The following WDR62 variants were observed in gnomAD, a reference collection of about 807,000 sequenced individuals.
The protein encoded by WDR62 is WD repeat domain 62, also known as WD repeat-containing protein 62.
A neutral mutation model predicts 160.6 loss-of-function variants in WDR62; 112 were observed. That is an observed-to-expected ratio of 0.70 (90% CI 0.60 to 0.82). WDR62 has a LOEUF of 0.82. WDR62 is among the 40% of genes least tolerant of loss of function. The probability of loss-of-function intolerance (pLI) is 0.00; values close to 1 mark genes in which losing one functional copy is unlikely to be tolerated. For missense variants in WDR62, 1,819 were observed against 1,983.8 expected (o/e 0.92, Z 1.58); for synonymous variants, 792 against 815.1 (o/e 0.97, Z 0.48).
At chr19:36,082,568 G>C (rs1202763157) in intron 10 of WDR62, among the ~76,000 whole-genome samples, 2 of 152,162 alleles carry the variant, frequency 1.3e-5, no homozygotes, top group Non-Finnish European at 2.9e-5. Context: ...TGCTACCATC[G>C]TCTCCTCTGT....
rs1457390210 is a variant in WDR62, at chr19:36,066,143, A to G, written c.391-114A>G. ...CTGGGCCAGAACAGCCCTGTAGCAG[A>G]TGGGGGAGGTGGCTTTTGGGCACAT... On this transcript the variant is annotated intron_variant, in intron 4 of 31. Coordinates refer to ENST00000401500, the MANE Select transcript of WDR62 (RefSeq NM_001083961.2). 3.2e-6 allele frequency: 5 copies of G among 1,580,410 alleles called. No individual in the cohort carries two copies. In the African/African-American group the frequency reaches 6.7e-5, roughly 21 times the overall value.
At position 36,097,034 on chromosome 19, in the gene WDR62, T is replaced by C. The variant is rs1431267525; in HGVS notation, c.2475T>C (p.Arg825=). 9 of 1,612,880 alleles carry C rather than the reference T, an allele frequency of 5.6e-6. No individual in the cohort carries two copies. The highest frequency in any genetic ancestry group is 6.8e-6 in the Non-Finnish European group (8 of 1,179,546). ...PSKDSLDPDP[R]CLLTNGKLPL... ...GATTCTGTGTCTTTCCAGATCCTCG[T>C]TGCCTGCTAACCAACGGCAAGCTGC... The change falls in exon 21 of 32, where the codon CGT becomes CGC. Residue 825 remains arginine, a synonymous_variant. Coordinates refer to ENST00000401500, the MANE Select transcript of WDR62 (RefSeq NM_001083961.2).
At chr19:36,067,695 G>T in intron 6 of WDR62, 133 bp from the exon 7 acceptor site, 5 of 1,129,186 alleles carry the variant, frequency 4.4e-6, no homozygotes, top group East Asian at 2.5e-5. Context: ...GAGTGGCAGG[G>T]TTCTAGTGTT....
chr19:36,102,694 C>T lies in WDR62; in HGVS notation c.3221-43C>T, dbSNP rs770465205. The T allele has an allele frequency of 1.1e-5, 17 of 1,589,930 alleles. No individual in the cohort carries two copies. In the East Asian group the frequency reaches 1.1e-4, roughly 10 times the overall value. ...GGGCTGGCCTAGGGCCAGGGCTGCTCGGCGGGAAGGGTTATGAGGGTCCCC... is the reference window on the plus strand; with the variant it reads ...GGGCTGGCCTAGGGCCAGGGCTGCTTGGCGGGAAGGGTTATGAGGGTCCCC... On this transcript the variant is annotated intron_variant, in intron 26 of 31. Transcript: ENST00000401500.
At position 36,065,892 on chromosome 19, in the gene WDR62, G is replaced by T. The variant is rs181461809; in HGVS notation, c.333-66G>T. 1.9e-4 allele frequency: 297 copies of T among 1,527,040 alleles called. No individual in the cohort carries two copies. The African/African-American group carries it at 3.5e-3, about 18-fold the overall frequency. The allele number at this position is 1,527,040 out of a possible 1,614,324, so 94.6% of individuals were successfully genotyped here. ...AAGAGGGCAGAGTCCTATCAGAGTC[G>T]CCAGGATGGGGTCTGGCTGGCCACC... On this transcript the variant is annotated intron_variant, in intron 3 of 31. Transcript: ENST00000401500.
At chr19:36,085,780 C>T (rs1267309208) in intron 12 of WDR62, among the ~76,000 whole-genome samples, 2 of 152,090 alleles carry the variant, frequency 1.3e-5, no homozygotes, top group East Asian at 2.0e-4. Context: ...GTGAAGATTT[C>T]GTTTGTTTCA....
At chr19:36,094,266 G>T in intron 20 of WDR62, 102 bp downstream of exon 20, 3 of 1,502,164 alleles carry the variant, frequency 2.0e-6, no homozygotes, top group Non-Finnish European at 2.8e-6. Context: ...TTAAAACTCA[G>T]GAGTCGACAG....
rs769860430 is a variant in WDR62 at position 36,104,795 on chromosome 19, G to A, written c.4339G>A (p.Gly1447Arg). 66 of 1,613,534 alleles carry A rather than the reference G, an allele frequency of 4.1e-5. 1 individual carries two copies. In the South Asian group the frequency reaches 4.6e-4, roughly 11 times the overall value. The change falls in exon 32 of 32, where the codon GGG becomes AGG. Residue 1447 changes from glycine to arginine, a missense_variant. By Grantham distance (125) the Gly-to-Arg change is moderately radical. Around this residue, in one of 3 missense-constraint regions of WDR62, gnomAD observed 770 missense variants for 734.2 expected, o/e 1.05. Coordinates refer to ENST00000401500, the MANE Select transcript of WDR62 (RefSeq NM_001083961.2). The stretch of plus-strand genomic sequence containing the variant: ...GGTCTCCAGTGGCCAGGTGGACACC[G>A]GGCAGCAGCAGGCACGGACTGAGCT... Reference protein sequence around the residue: ...VLVSSGQVDTGQQQARTELVS... With the variant: ...VLVSSGQVDTRQQQARTELVS...
At chr19:36,058,396 C>T (rs995297677) in intron 1 of WDR62, among the ~76,000 whole-genome samples, 7 of 152,194 alleles carry the variant, frequency 4.6e-5, no homozygotes, top group Non-Finnish European at 7.3e-5. Context: ...CACAGGTCAC[C>T]TTCTCACCGC....
At chr19:36,100,098 A>G (rs1226702859) in intron 22 of WDR62, among the ~76,000 whole-genome samples, 6 of 152,182 alleles carry the variant, frequency 3.9e-5, no homozygotes, top group Admixed American at 3.9e-4. Context: ...CTCTACAAAA[A>G]TATTTTTTAA....
chr19:36,068,327 A>G (rs577653156), intron 7 of WDR62, among the ~76,000 whole-genome samples: 2 of 151,558 alleles, frequency 1.3e-5, no homozygotes, highest in Non-Finnish European at 2.9e-5. Flanking sequence ...TCCTTTGAGC[A>G]CTCTGGCTGG....
Position 36,103,631 on chromosome 19 carries a change from T to A in WDR62, c.3803T>A (p.Ile1268Asn). Residue 1268 changes from isoleucine (I) to asparagine (N), a missense_variant, in exon 30 of 32, where the codon ATC becomes AAC. Ile to Asn is a moderately radical substitution (Grantham distance 149, BLOSUM62 -3). This residue lies in a region of WDR62 where 770 missense variants were observed against 734.2 expected (regional missense o/e 1.05). Coordinates refer to ENST00000401500, the MANE Select transcript of WDR62 (RefSeq NM_001083961.2). ...LASLGQELQA[I>N]TTATTPSLDS... The stretch of plus-strand genomic sequence containing the variant: ...TCCTTGGGCCAGGAGCTTCAGGCCA[T>A]CACCACCGCGACAACACCCAGTTTG... 6.2e-7 allele frequency: 1 copy of A among 1,609,014 alleles called. No individual in the cohort carries two copies. Among genetic ancestry groups the A allele is most frequent in the South Asian group, 1.1e-5 (1 of 90,966 alleles).
Position 36,091,473 on chromosome 19 carries a change from A to T in WDR62, c.2210+8A>T. 6.2e-7 allele frequency: 1 copy of T among 1,613,856 alleles called. No homozygotes were observed. The highest frequency in any genetic ancestry group is 8.5e-7 in the Non-Finnish European group (1 of 1,179,814). On this transcript the variant is annotated splice_region_variant and intron_variant, in intron 18 of 31. Transcript: ENST00000401500. ...CACAGTATCTGGAGACAGGTGGGAC[A>T]TGGACCTTTGGGAGAGTTGTGGCTC...
intron 7 of WDR62, among the ~76,000 whole-genome samples, chr19:36,068,511 G>C (rs921737214): frequency 1.3e-5 from 2 of 152,206 alleles, no homozygotes; most frequent in Non-Finnish European, 2.9e-5. Flanking sequence ...GCGGGCTTCC[G>C]CAGTGTTTGT....
At position 36,073,241 on chromosome 19, in the gene WDR62, G is replaced by A. The variant is rs771614518; in HGVS notation, c.1044-101G>A. 33 of 1,086,582 alleles carry A rather than the reference G, an allele frequency of 3.0e-5. No homozygotes were observed. The African/African-American group carries it at 4.6e-4, about 15-fold the overall frequency. The allele number at this position is 1,086,582 out of a possible 1,614,324, so 67.3% of individuals were successfully genotyped here. A position where few individuals can be genotyped will look rare whatever the true frequency, so the allele number is the denominator to read the frequency against. ...AGAGATGGATGGCCACAAATACCAT[G>A]AGGGATGGCATTGCCGGGGAGGCAT... On this transcript the variant is annotated intron_variant, in intron 8 of 31. Coordinates refer to ENST00000401500, the MANE Select transcript of WDR62 (RefSeq NM_001083961.2).
At chr19:36,082,141 A>C (rs1568345920) in intron 10 of WDR62, among the ~76,000 whole-genome samples, 2 of 152,242 alleles carry the variant, frequency 1.3e-5, no homozygotes, top group Non-Finnish European at 2.9e-5. Flanking sequence ...TGCTAGGGAC[A>C]CAACAGTGAC....
rs1216375665 is a variant in WDR62 at position 36,067,828 on chromosome 19, G to A, written c.700G>A (p.Val234Met). 1.2e-6 allele frequency: 2 copies of A among 1,613,984 alleles called. No individual in the cohort carries two copies. Among genetic ancestry groups the A allele is most frequent in the East Asian group, 4.5e-5 (2 of 44,880 alleles). The change falls in exon 7 of 32, where the codon GTG (valine) becomes ATG (methionine). Residue 234 changes from valine (V) to methionine (M), a missense_variant and splice_region_variant. Val to Met is a conservative substitution (Grantham distance 21). This residue lies in a region of WDR62 where 934 missense variants were observed against 1,157.2 expected (regional missense o/e 0.81). Coordinates refer to ENST00000401500, the MANE Select transcript of WDR62 (RefSeq NM_001083961.2). ...WFLEVSTETK[V>M]TSTVPLVGRS... ...CTCACTACGCCCTCTGTGTCTCCAGGTGACGAGCACAGTGCCCCTTGTAGG... is the reference window on the plus strand; with the variant it reads ...CTCACTACGCCCTCTGTGTCTCCAGATGACGAGCACAGTGCCCCTTGTAGG...
chr19:36,095,670 T>TTTAC (rs1972915247), intron 20 of WDR62, among the ~76,000 whole-genome samples: 1 of 152,228 alleles, frequency 6.6e-6, no homozygotes, highest in African/African-American at 2.4e-5. Context: ...GGCGTGCGCC[T>TTTAC]GTAATAGCAG....
rs1971400341 is a variant in WDR62, at chr19:36,073,361, G to T, written c.1063G>T (p.Ala355Ser). ...LEPSFLFHRK[A>S]EAVYPDTVAL... The stretch of plus-strand genomic sequence containing the variant: ...TGTTAGCTTCCTCTTCCACAGGAAG[G>T]CGGAAGCAGTCTACCCAGATACAGT... Residue 355 changes from alanine (A) to serine (S), a missense_variant, in exon 9 of 32, where the codon GCG becomes TCG. Ala to Ser is a moderately conservative substitution (Grantham distance 99). Transcript: ENST00000401500. The T allele has an allele frequency of 6.2e-7, 1 of 1,614,022 alleles. No individual in the cohort carries two copies. The highest frequency in any genetic ancestry group is 8.5e-7 in the Non-Finnish European group (1 of 1,180,024).
Sources: gnomAD v4.1 joint callset for allele counts (sites outside exome capture counted in the v4.1 genomes callset) on GRCh38, gnomAD v4.1.1 for gene constraint, gnomAD v4.1.1 regional missense constraint, MANE v1.5 for transcripts, NCBI Gene and HGNC (gene_info 2026-07-23, HGNC 2026-07-21) for gene names.